NR1H4: variants seen among roughly 807,000 people sequenced by gnomAD.
NR1H4 encodes nuclear receptor subfamily 1 group H member 4.
In NR1H4, 23 loss-of-function variants were observed where a neutral mutation model predicts 58.5. The ratio of observed to expected loss-of-function variants is 0.39; its 90% CI spans 0.28 to 0.56. The LOEUF is 0.56. Among genes scored for constraint, NR1H4 ranks in the 20% least tolerant of loss-of-function variants. NR1H4 has a pLI of 0.58. For missense variants in NR1H4, 487 were observed against 576.9 expected, an observed-to-expected ratio of 0.84 and a Z score of 1.60; for synonymous variants, 214 against 198.0, an observed-to-expected ratio of 1.08 and a Z score of -0.68.
At chr12:100,547,789 C>T (rs186337041) in intron 9 of NR1H4, among the ~76,000 whole-genome samples, 49 of 151,838 alleles carry the variant, frequency 3.2e-4, no homozygotes, top group African/African-American at 1.1e-3. Context: ...ACCGTGATCT[C>T]GGCTCACTGC....
intron 5 of NR1H4, among the ~76,000 whole-genome samples, chr12:100,533,626 C>A: frequency 6.6e-6 from 1 of 152,206 alleles, no homozygotes; most frequent in Admixed American, 6.5e-5. Context: ...TCTGACACTG[C>A]ACAGCTCATA....
chr12:100,561,201 C>G (rs561607008), intron 9 of NR1H4, among the ~76,000 whole-genome samples: 2 of 151,654 alleles, frequency 1.3e-5, no homozygotes, highest in South Asian at 4.2e-4. Context: ...TCAAGACCAT[C>G]CTGGCTAACA....
chr12:100,542,348 A>C (rs1954958240), intron 9 of NR1H4, among the ~76,000 whole-genome samples: 1 of 152,094 alleles, frequency 6.6e-6, no homozygotes, highest in Non-Finnish European at 1.5e-5. Flanking sequence ...CTCAGTCTGA[A>C]AAAAAAAGAA....
At chr12:100,499,603 T>C (rs1953788604) in intron 3 of NR1H4, among the ~76,000 whole-genome samples, 1 of 152,198 alleles carries the variant, frequency 6.6e-6, no homozygotes. Flanking sequence ...AGGTGTGCAA[T>C]GAGTCAGAGA....
At chr12:100,511,260 GCCTACCTCCT>G in intron 4 of NR1H4, 117 bp downstream of exon 4, 1 of 1,244,636 alleles carries the variant, frequency 8.0e-7, no homozygotes, top group South Asian at 1.2e-5. Flanking sequence ...CCTCCTGTGC[GCCTACCTCCT>G]CCTACATCCT....
intron 3 of NR1H4, among the ~76,000 whole-genome samples, chr12:100,504,786 C>T (rs530292754): frequency 1.3e-5 from 2 of 152,324 alleles, no homozygotes; most frequent in East Asian, 3.9e-4. Context: ...TTTGTCTGCT[C>T]AGAGGGCACT....
chr12:100,554,861 C>A (rs1955288140), intron 9 of NR1H4, among the ~76,000 whole-genome samples: 1 of 152,156 alleles, frequency 6.6e-6, no homozygotes, highest in African/African-American at 2.4e-5. Flanking sequence ...GGTTCACAAG[C>A]CCTTTGTTTA....
chr12:100,561,379 CAG>C (rs1955469645), intron 9 of NR1H4, among the ~76,000 whole-genome samples: 1 of 151,962 alleles, frequency 6.6e-6, no homozygotes, highest in African/African-American at 2.4e-5. Flanking sequence ...GCCTGGGTGA[CAG>C]AGCGAGACTC....
At chr12:100,475,143 ATCTATCTATCTATCT>A (rs1241397375) in intron 1 of NR1H4, among the ~76,000 whole-genome samples, 1 of 144,182 alleles carries the variant, frequency 6.9e-6, no homozygotes, top group African/African-American at 2.9e-5. Context: ...CTATCTATCT[ATCTATCTATCTATCT>A]AAATTTTTTT....
In NR1H4 at chr12:100,486,174, T is replaced by C. The variant is rs545064333; in HGVS notation, c.-189-6329T>C. ...CCAGGTCATGCGTGAAGCTACGGAATGTCAGAACTGGCACTCCACCCTTAA... is the reference window on the plus strand; with the variant it reads ...CCAGGTCATGCGTGAAGCTACGGAACGTCAGAACTGGCACTCCACCCTTAA... On this transcript the variant is annotated intron_variant, in intron 1 of 10. Transcript: ENST00000392986. Among the ~76,000 whole-genome samples the C allele has an allele frequency of 2.0e-5, 3 of 152,296 alleles. No individual in the cohort carries two copies. In the South Asian group the frequency reaches 6.2e-4, roughly 32 times the overall value.
At chr12:100,512,076 T>C (rs1333111401) in intron 4 of NR1H4, among the ~76,000 whole-genome samples, 1 of 150,812 alleles carries the variant, frequency 6.6e-6, no homozygotes, top group African/African-American at 2.4e-5. Context: ...CTACAAAAAA[T>C]ACAAAAATTA....
At position 100,506,346 on chromosome 12, in the gene NR1H4, T is replaced by C. The variant is rs60179569; in HGVS notation, c.80-4432T>C. On this transcript the variant is annotated intron_variant, in intron 3 of 10. Transcript: ENST00000392986. ...AAAAGCTTAGCCAGTTAAGATCTCA[T>C]GGTCAGTTAACTGTGGAAGTTGTTC... Among the ~76,000 whole-genome samples the C allele has an allele frequency of 2.5e-3, 387 of 152,298 alleles. 2 individuals carry two copies. Among genetic ancestry groups the C allele is most frequent in the African/African-American group, 9.0e-3 (376 of 41,564 alleles).
chr12:100,513,275 T>C (rs754018070), intron 4 of NR1H4, among the ~76,000 whole-genome samples: 1 of 152,222 alleles, frequency 6.6e-6, no homozygotes, highest in Non-Finnish European at 1.5e-5. Flanking sequence ...TCATCACTGG[T>C]ACGTAATTAA....
chr12:100,549,809 T>G (rs1474200016), intron 9 of NR1H4, among the ~76,000 whole-genome samples: 1 of 152,176 alleles, frequency 6.6e-6, no homozygotes, highest in Non-Finnish European at 1.5e-5. Context: ...ATGTTTTCAT[T>G]TATTAATATT....
chr12:100,506,508 G>GT (rs982767863), intron 3 of NR1H4, among the ~76,000 whole-genome samples: 10 of 151,864 alleles, frequency 6.6e-5, no homozygotes, highest in East Asian at 1.9e-4. Flanking sequence ...AGAATAGAAG[G>GT]TTTTTTTTGT....
chr12:100,529,929 C>A (rs1295218536), intron 4 of NR1H4, among the ~76,000 whole-genome samples: 1 of 152,134 alleles, frequency 6.6e-6, no homozygotes, highest in East Asian at 1.9e-4. Flanking sequence ...TAATTGCTGC[C>A]TCTCCTCCTT....
intron 5 of NR1H4, 42 bp from the exon 6 acceptor site, chr12:100,534,848 A>G: frequency 6.2e-7 from 1 of 1,613,114 alleles, no homozygotes; most frequent in South Asian, 1.1e-5. Flanking sequence ...ACCCAACAGT[A>G]CTTTCTGTGA....
chr12:100,532,591 G>A lies in NR1H4; in HGVS notation c.579G>A (p.Leu193=), dbSNP rs200456214. ...RLRKCKEMGM[L]AECMYTGLLT... Reference sequence around the variant, plus strand: ...GGAAATGCAAAGAGATGGGAATGTTGGCTGAATGTATGTATACAGGTATTC... The same window carrying A: ...GGAAATGCAAAGAGATGGGAATGTTAGCTGAATGTATGTATACAGGTATTC... The change falls in exon 5 of 11, where the codon TTG becomes TTA. Residue 193 remains leucine (L), a synonymous_variant. Coordinates refer to ENST00000392986, the MANE Select transcript of NR1H4 (RefSeq NM_001206979.2). 1 of 1,613,930 alleles carries A rather than the reference G, an allele frequency of 6.2e-7. No individual in the cohort carries two copies. The highest frequency in any genetic ancestry group is 1.3e-5 in the African/African-American group (1 of 74,904).
In NR1H4 at chr12:100,511,124, G is replaced by C. The variant is rs781560252; in HGVS notation, c.426G>C (p.Leu142=). The part of the protein sequence containing the change: ...DRASGYHYNA[L]TCEGCKGFFR... The stretch of plus-strand genomic sequence containing the variant: ...CCTCTGGATACCACTATAATGCACT[G>C]ACCTGTGAGGGGTGTAAAGGTAAGC... Residue 142 remains leucine (L), a synonymous_variant, in exon 4 of 11, where the codon CTG becomes CTC. Transcript: ENST00000392986. 4.3e-6 allele frequency: 7 copies of C among 1,614,244 alleles called. No individual in the cohort carries two copies. In the East Asian group the frequency reaches 1.6e-4, roughly 36 times the overall value.
Sources: gnomAD v4.1 joint callset for allele counts (sites outside exome capture counted in the v4.1 genomes callset) on GRCh38, gnomAD v4.1.1 for gene constraint, MANE v1.5 for transcripts, NCBI Gene and HGNC (gene_info 2026-07-23, HGNC 2026-07-21) for gene names.